Variants in KCNMA1 observed in about 807,000 individuals in gnomAD.
The protein encoded by KCNMA1 is potassium calcium-activated channel subfamily M alpha 1.
A neutral mutation model predicts 140.0 loss-of-function variants in KCNMA1; 29 were observed. The ratio of observed to expected loss-of-function variants is 0.21; its 90% CI spans 0.15 to 0.28. KCNMA1 has a LOEUF of 0.28. KCNMA1 is among the 10% of genes least tolerant of loss of function. KCNMA1 has a pLI of 1.00. For synonymous variants in KCNMA1, 612 were observed against 611.9 expected, an observed-to-expected ratio of 1.00 and a Z score of 0.00; for missense variants, 880 against 1,602.2, an observed-to-expected ratio of 0.55 and a Z score of 7.70.
intron 1 of KCNMA1, among the ~76,000 whole-genome samples, chr10:77,416,569 C>T (rs2096746008): frequency 6.6e-6 from 1 of 152,188 alleles, no homozygotes; most frequent in South Asian, 2.1e-4. Flanking sequence ...CAACAGAGGA[C>T]TCCAAGCAAT....
intron 5 of KCNMA1, among the ~76,000 whole-genome samples, chr10:77,177,472 T>C (rs1338401739): frequency 1.3e-5 from 2 of 150,404 alleles, no homozygotes; most frequent in East Asian, 1.9e-4. Context: ...CTGTTTCTCT[T>C]TCTCTCTTTC....
At chr10:77,262,208 C>G (rs2062201447) in intron 2 of KCNMA1, among the ~76,000 whole-genome samples, 1 of 152,156 alleles carries the variant, frequency 6.6e-6, no homozygotes, top group African/African-American at 2.4e-5. Context: ...TCTCTCCATA[C>G]AATGGAATAC....
At chr10:76,883,377 C>G (rs924633821), downstream of KCNMA1, among the ~76,000 whole-genome samples, 2 of 152,186 alleles carry the variant, frequency 1.3e-5, no homozygotes, top group African/African-American at 4.8e-5. Flanking sequence ...ATATTCAGAA[C>G]AGAATTTGAA....
chr10:77,139,262 T>C (rs1402623552), intron 5 of KCNMA1, among the ~76,000 whole-genome samples: 2 of 152,232 alleles, frequency 1.3e-5, no homozygotes, highest in Admixed American at 6.5e-5. Context: ...CATCATTTGG[T>C]CTCTTCTCTC....
At chr10:77,335,282 CTCT>C (rs1430981744) in intron 2 of KCNMA1, among the ~76,000 whole-genome samples, 1 of 152,194 alleles carries the variant, frequency 6.6e-6, no homozygotes, top group Non-Finnish European at 1.5e-5. Context: ...TCCACACTGC[CTCT>C]TCTTCTCTTT....
intron 26 of KCNMA1, among the ~76,000 whole-genome samples, chr10:76,890,550 T>A (rs937602994): frequency 6.6e-6 from 1 of 152,176 alleles, no homozygotes; most frequent in African/African-American, 2.4e-5. Flanking sequence ...TAGGTCCCAG[T>A]CCATGATCAA....
chr10:77,250,584 T>C (rs1013759766), intron 3 of KCNMA1: 5 of 159,858 alleles, frequency 3.1e-5, no homozygotes, highest in African/African-American at 9.6e-5. Context: ...GGAGTCTGCA[T>C]GAGTGTCCAC....
chr10:77,068,852 A>AAC (rs147592319), intron 14 of KCNMA1, among the ~76,000 whole-genome samples: 2,329 of 133,706 alleles, frequency 0.017, 27 homozygotes, highest in Non-Finnish European at 0.026. Flanking sequence ...TCACCCTCTA[A>AAC]ACACACACAC....
chr10:77,608,894 C>A (rs190413090), intron 1 of KCNMA1, among the ~76,000 whole-genome samples: 1 of 152,134 alleles, frequency 6.6e-6, no homozygotes, highest in South Asian at 2.1e-4. Flanking sequence ...TGAGTTATAA[C>A]CTCACACCTG....
intron 1 of KCNMA1, among the ~76,000 whole-genome samples, chr10:77,567,227 G>T (rs2154560092): frequency 6.6e-6 from 1 of 152,336 alleles, no homozygotes; most frequent in East Asian, 1.9e-4. Context: ...AGATTAATTG[G>T]AATTTGCAGG....
chr10:77,381,852 G>A (rs1416338887), intron 2 of KCNMA1, among the ~76,000 whole-genome samples: 1 of 152,134 alleles, frequency 6.6e-6, no homozygotes, highest in Non-Finnish European at 1.5e-5. Flanking sequence ...ATCAAGTGGG[G>A]CTCTGAGAGC....
intron 19 of KCNMA1, among the ~76,000 whole-genome samples, chr10:76,988,910 C>T (rs977095289): frequency 7.2e-5 from 11 of 152,134 alleles, no homozygotes; most frequent in African/African-American, 1.7e-4. Context: ...ATGGTGTCCC[C>T]GTTTGGCCCT....
chr10:76,963,123 A>T (rs555477517), intron 20 of KCNMA1, among the ~76,000 whole-genome samples: 24 of 152,334 alleles, frequency 1.6e-4, no homozygotes, highest in African/African-American at 5.8e-4. Flanking sequence ...GTCAGTGGTC[A>T]GACAGATGTT....
At chr10:76,967,764 A>G (rs768614386) in intron 20 of KCNMA1, among the ~76,000 whole-genome samples, 3 of 152,206 alleles carry the variant, frequency 2.0e-5, no homozygotes, top group African/African-American at 4.8e-5. Flanking sequence ...CCCAAAGGCA[A>G]CCAACATGAG....
chr10:77,177,051 G>A (rs1018891071), intron 5 of KCNMA1, among the ~76,000 whole-genome samples: 6 of 152,136 alleles, frequency 3.9e-5, no homozygotes, highest in African/African-American at 1.4e-4. Flanking sequence ...TGGAGAAAGG[G>A]GCCATGAGCC....
At chr10:77,513,121 C>A (rs1261864009) in intron 1 of KCNMA1, among the ~76,000 whole-genome samples, 2 of 150,912 alleles carry the variant, frequency 1.3e-5, no homozygotes, top group Non-Finnish European at 2.9e-5. Flanking sequence ...CCCTACCCAG[C>A]ATTTCCCCCA....
intron 1 of KCNMA1, among the ~76,000 whole-genome samples, chr10:77,521,401 T>C (rs2053336703): frequency 6.6e-6 from 1 of 152,232 alleles, no homozygotes; most frequent in African/African-American, 2.4e-5. Context: ...GCCTAATTTC[T>C]GGTGGCAGCA....
At chr10:76,903,852 G>A (rs913769172) in intron 25 of KCNMA1, 1 of 152,030 alleles carries the variant, frequency 6.6e-6, no homozygotes, top group African/African-American at 2.4e-5. Context: ...ATATAACTTC[G>A]TTTCTGGCAA....
At chr10:77,514,852 C>G (rs574996527) in intron 1 of KCNMA1, among the ~76,000 whole-genome samples, 1 of 152,292 alleles carries the variant, frequency 6.6e-6, no homozygotes, top group Non-Finnish European at 1.5e-5. Context: ...TCTTCACTCA[C>G]GTCTAGACAC....
Sources: gnomAD v4.1 joint callset for allele counts (sites outside exome capture counted in the v4.1 genomes callset) on GRCh38, gnomAD v4.1.1 for gene constraint, MANE v1.5 for transcripts, NCBI Gene and HGNC (gene_info 2026-07-23, HGNC 2026-07-21) for gene names.